TNNI3K: variants seen among roughly 807,000 people sequenced by gnomAD.
TNNI3K encodes the protein TNNI3 interacting kinase, also known as serine/threonine-protein kinase TNNI3K.
TNNI3K carries 140 observed loss-of-function variants against 114.5 expected under a neutral mutation model. That is an observed-to-expected ratio of 1.22 (90% CI 1.07 to 1.41). The LOEUF (loss-of-function observed/expected upper bound fraction) is 1.41, where lower values mean the gene tolerates loss of function less well. Among genes scored for constraint, TNNI3K ranks in the 40% most tolerant of loss-of-function variants. The pLI, the probability that TNNI3K is intolerant of heterozygous loss-of-function variation, is 0.00. For synonymous variants in TNNI3K, 347 were observed against 347.5 expected (o/e 1.00, Z 0.02); for missense variants, 1,125 against 1,007.6 (o/e 1.12, Z -1.58).
chr1:74,275,828 G>A (rs1473808487), intron 5 of TNNI3K, among the ~76,000 whole-genome samples: 3 of 151,926 alleles, frequency 2.0e-5, no homozygotes, highest in Non-Finnish European at 4.4e-5. Flanking sequence ...CAATTTCTGT[G>A]GTTTACAATA....
In TNNI3K at chr1:74,297,522, C is replaced by CATGTGTGT. The variant is rs1553128510; in HGVS notation, c.444+25814_444+25815insATGTGTGT. ...TGGCATCTTGTCCAGTGTGTGTGTGCGTGTGTGTGTGTGTGTGTGTGTGTG... is the reference window on the plus strand; with the variant it reads ...TGGCATCTTGTCCAGTGTGTGTGTGCATGTGTGTGTGTGTGTGTGTGTGTGTGTGTGTG... On this transcript the variant is annotated intron_variant, in intron 5 of 24. Coordinates refer to ENST00000326637, the MANE Select transcript of TNNI3K (RefSeq NM_015978.3). Among the ~76,000 whole-genome samples the CATGTGTGT allele has an allele frequency of 5.4e-4, 79 of 145,460 alleles. 1 individual carries two copies. Among genetic ancestry groups the CATGTGTGT allele is most frequent in the African/African-American group, 1.7e-3 (69 of 39,556 alleles).
chr1:74,311,297 A>C (rs1395371015), intron 5 of TNNI3K, among the ~76,000 whole-genome samples: 1 of 152,180 alleles, frequency 6.6e-6, no homozygotes, highest in Non-Finnish European at 1.5e-5. Context: ...TGTCATAATC[A>C]TATAAATTAA....
intron 17 of TNNI3K, among the ~76,000 whole-genome samples, chr1:74,403,945 AT>A (rs1488746708): frequency 6.6e-6 from 1 of 152,142 alleles, no homozygotes; most frequent in East Asian, 1.9e-4. Context: ...AGAGTAAATA[AT>A]TGAAATTTCT....
intron 20 of TNNI3K, among the ~76,000 whole-genome samples, chr1:74,446,444 T>G (rs1391752809): frequency 1.3e-5 from 2 of 149,706 alleles, no homozygotes; most frequent in African/African-American, 2.5e-5. Context: ...ATATTAGCCC[T>G]TTGTCAGATG....
chr1:74,296,821 T>A (rs1364909460), intron 5 of TNNI3K, among the ~76,000 whole-genome samples: 3 of 152,164 alleles, frequency 2.0e-5, no homozygotes, highest in Non-Finnish European at 4.4e-5. Flanking sequence ...TTTGATAGTA[T>A]TGTGTCTTTT....
intron 17 of TNNI3K, among the ~76,000 whole-genome samples, chr1:74,388,513 C>G (rs918039103): frequency 5.9e-5 from 9 of 152,038 alleles, no homozygotes; most frequent in Non-Finnish European, 1.2e-4. Context: ...AATCAGTCTC[C>G]CTCTCCTCAT....
chr1:74,245,512 C>G (rs1319619565), intron 2 of TNNI3K, among the ~76,000 whole-genome samples: 1 of 152,142 alleles, frequency 6.6e-6, no homozygotes, highest in African/African-American at 2.4e-5. Context: ...TTCAAGCTGC[C>G]TCCTGCCTAT....
rs150585536 is a variant in TNNI3K, at chr1:74,367,964, G to A, written c.1321G>A (p.Glu441Lys). 3.2e-6 allele frequency: 5 copies of A among 1,558,144 alleles called. No homozygotes were observed. The African/African-American group carries it at 5.6e-5, about 17-fold the overall frequency. The change falls in exon 13 of 25, where the codon GAG becomes AAG. Residue 441 changes from glutamate (E) to lysine (K), a missense_variant and splice_region_variant. Coordinates refer to ENST00000326637, the MANE Select transcript of TNNI3K (RefSeq NM_015978.3). ...GGGGAAGATTAAAAGCATGACAAAA[G>A]GTACCTATAATCTGGGACAATTGTT... ...PLGKIKSMTKEKADILLLRAG... is the reference protein window; with the variant it reads ...PLGKIKSMTKKKADILLLRAG...
chr1:74,326,398 A>G (rs1049848915), intron 5 of TNNI3K, among the ~76,000 whole-genome samples: 1 of 152,184 alleles, frequency 6.6e-6, no homozygotes, highest in Non-Finnish European at 1.5e-5. Context: ...AAATAAGTTA[A>G]AGTTATACTG....
chr1:74,297,602 A>C (rs554710563), intron 5 of TNNI3K, among the ~76,000 whole-genome samples: 1 of 151,044 alleles, frequency 6.6e-6, no homozygotes, highest in South Asian at 2.1e-4. Flanking sequence ...TGGACATTTC[A>C]GTTGTTTCCA....
At chr1:74,280,225 A>G (rs1402559301) in intron 5 of TNNI3K, among the ~76,000 whole-genome samples, 1 of 152,078 alleles carries the variant, frequency 6.6e-6, no homozygotes, top group Admixed American at 6.6e-5. Context: ...TACTAAAAAT[A>G]CAAAAAATTA....
intron 9 of TNNI3K, among the ~76,000 whole-genome samples, chr1:74,347,675 A>T (rs1351137552): frequency 2.0e-5 from 3 of 151,972 alleles, no homozygotes; most frequent in Admixed American, 6.6e-5. Flanking sequence ...GTTTCCTGAC[A>T]TTTTAATGAT....
At position 74,544,039 on chromosome 1, in the gene TNNI3K, C is replaced by T; in HGVS notation, c.*57C>T. On this transcript the variant is annotated 3_prime_UTR_variant, in exon 25 of 25. Coordinates refer to ENST00000326637, the MANE Select transcript of TNNI3K (RefSeq NM_015978.3). ...TTCCCCGAACTGACAGCAACGATTCCAACCACGGCAAGCTGGCTTCCAACT... is the reference window on the plus strand; with the variant it reads ...TTCCCCGAACTGACAGCAACGATTCTAACCACGGCAAGCTGGCTTCCAACT... 6.4e-7 allele frequency: 1 copy of T among 1,569,826 alleles called. No individual in the cohort carries two copies. Among genetic ancestry groups the T allele is most frequent in the East Asian group, 2.3e-5 (1 of 43,486 alleles).
At chr1:74,510,880 A>C (rs1256610595) in intron 23 of TNNI3K, among the ~76,000 whole-genome samples, 1 of 152,128 alleles carries the variant, frequency 6.6e-6, no homozygotes, top group Non-Finnish European at 1.5e-5. Context: ...GTTTTAGCAA[A>C]CTGAATATGC....
At chr1:74,425,479 A>T (rs1231299237) in intron 17 of TNNI3K, among the ~76,000 whole-genome samples, 2 of 152,108 alleles carry the variant, frequency 1.3e-5, no homozygotes, top group South Asian at 2.1e-4. Flanking sequence ...TAACTAACGA[A>T]TTCAATTCTA....
chr1:74,318,001 A>C (rs1001133432), intron 5 of TNNI3K, among the ~76,000 whole-genome samples: 2 of 152,084 alleles, frequency 1.3e-5, no homozygotes, highest in African/African-American at 4.8e-5. Context: ...ACTCTCAACT[A>C]TGTCTTCTCA....
intron 5 of TNNI3K, among the ~76,000 whole-genome samples, chr1:74,313,461 C>T (rs1168605780): frequency 6.6e-6 from 1 of 152,168 alleles, no homozygotes; most frequent in Non-Finnish European, 1.5e-5. Context: ...CCAGGTCTGG[C>T]TTTCTGTTTA....
At chr1:74,445,782 T>A (rs1163717114) in intron 20 of TNNI3K, among the ~76,000 whole-genome samples, 1 of 151,882 alleles carries the variant, frequency 6.6e-6, no homozygotes, top group African/African-American at 2.4e-5. Context: ...GGCTAACTTT[T>A]TGTATTTTTA....
At chr1:74,310,789 C>CTT (rs970167658) in intron 5 of TNNI3K, among the ~76,000 whole-genome samples, 2 of 152,106 alleles carry the variant, frequency 1.3e-5, no homozygotes, top group African/African-American at 4.8e-5. Context: ...GAACTAAGAA[C>CTT]TTAAAGATAC....
Sources: gnomAD v4.1 joint callset for allele counts (sites outside exome capture counted in the v4.1 genomes callset) on GRCh38, gnomAD v4.1.1 for gene constraint, MANE v1.5 for transcripts, NCBI Gene and HGNC (gene_info 2026-07-23, HGNC 2026-07-21) for gene names.